The following COL4A2 variants were observed in gnomAD, a reference collection of about 807,000 sequenced individuals.
The protein encoded by COL4A2 is collagen type IV alpha 2 chain, also known as collagen alpha-2(IV) chain.
Under a neutral mutation model 200.2 loss-of-function variants are expected in COL4A2, and 99 were observed. That is an observed-to-expected ratio of 0.49 (90% CI 0.42 to 0.58). The LOEUF (loss-of-function observed/expected upper bound fraction) is 0.58, where lower values mean the gene tolerates loss of function less well. Among genes scored for constraint, COL4A2 ranks in the 20% least tolerant of loss-of-function variants. The pLI is 0.00. For synonymous variants in COL4A2, 897 were observed against 900.6 expected (o/e 1.00, Z 0.07); for missense variants, 1,950 against 2,314.1 (o/e 0.84, Z 3.23).
intron 16 of COL4A2, among the ~76,000 whole-genome samples, chr13:110,440,787 G>C (rs1423872897): frequency 6.6e-6 from 1 of 152,154 alleles, no homozygotes; most frequent in East Asian, 1.9e-4. Flanking sequence ...AGGCCCGGCA[G>C]GCTCCCCAGA....
In COL4A2 at chr13:110,492,123, G is replaced by A; in HGVS notation, c.3508G>A (p.Gly1170Arg). 4 of 1,553,530 alleles carry A rather than the reference G, an allele frequency of 2.6e-6. No individual in the cohort carries two copies. Among genetic ancestry groups the A allele is most frequent in the Non-Finnish European group, 3.5e-6 (4 of 1,147,810 alleles). The change falls in exon 38 of 48, where the codon GGA becomes AGA. Residue 1170 changes from glycine to arginine, a missense_variant. Transcript: ENST00000360467. ...GTCGCAGGGAGAGCTGGGGCGGATT[G>A]GACTGCCTGGTGGCAAAGGAGATGA... ...PGSQGELGRIGLPGGKGDDGW... is the reference protein window; with the variant it reads ...PGSQGELGRIRLPGGKGDDGW...
Position 110,439,790 on chromosome 13 carries a change from G to T in COL4A2, c.914G>T (p.Gly305Val), listed in dbSNP as rs377088851. The change falls in exon 16 of 48, where the codon GGT (glycine) becomes GTT (valine). Residue 305 changes from glycine (G) to valine (V), a missense_variant and splice_region_variant. This residue lies in a region of COL4A2 where 565 missense variants were observed against 593.5 expected (regional missense o/e 0.95). Transcript: ENST00000360467. ...GCTTCTGTTTTTTGTTCATTCCAGG[G>T]TTACCCTGGCTTGAGTGGTGAAAAA... ...EGIMGFPGLRGYPGLSGEKGS... is the reference protein window; with the variant it reads ...EGIMGFPGLRVYPGLSGEKGS... 3.1e-6 allele frequency: 5 copies of T among 1,613,944 alleles called. No homozygotes were observed. In the African/African-American group the frequency reaches 6.7e-5, roughly 22 times the overall value.
chr13:110,504,224 T>G lies in COL4A2; in HGVS notation c.4362T>G (p.Asp1454Glu). The G allele has an allele frequency of 6.2e-7, 1 of 1,613,858 alleles. No individual in the cohort carries two copies. The highest frequency in any genetic ancestry group is 8.5e-7 in the Non-Finnish European group (1 of 1,179,944). The change falls in exon 45 of 48, where the codon GAT (aspartate) becomes GAG (glutamate). Residue 1454 changes from aspartate (D) to glutamate (E), a missense_variant. Asp to Glu is a conservative substitution (Grantham distance 45). Around this residue, in one of 2 missense-constraint regions of COL4A2, gnomAD observed 1,385 missense variants for 1,720.5 expected, o/e 0.80. Coordinates refer to ENST00000360467, the MANE Select transcript of COL4A2 (RefSeq NM_001846.4). ...CTGCTGTTCCCGGCTTCCGGGGAGA[T>G]GAAGGACCCATAGGCCACCAGGGGC... is the stretch of plus-strand genomic sequence containing the variant. ...GVSAVPGFRG[D>E]EGPIGHQGPI...
At chr13:110,450,535 C>T in intron 20 of COL4A2, 81 bp downstream of exon 20, 2 of 1,523,592 alleles carry the variant, frequency 1.3e-6, no homozygotes, top group South Asian at 1.2e-5. Context: ...ATTTGGGATT[C>T]TCTGCTAAAT....
Position 110,417,103 on chromosome 13 carries a change from C to T in COL4A2, c.181-7631C>T, listed in dbSNP as rs528023217. Reference sequence around the variant, plus strand: ...TCACGCCATTCTTCTGCCTCAACCTCCCGAGTAGCTGGGGCTACAGGAGCC... The same window carrying T: ...TCACGCCATTCTTCTGCCTCAACCTTCCGAGTAGCTGGGGCTACAGGAGCC... On this transcript the variant is annotated intron_variant, in intron 4 of 47. Coordinates refer to ENST00000360467, the MANE Select transcript of COL4A2 (RefSeq NM_001846.4). 1.9e-3 allele frequency among the ~76,000 whole-genome samples: 285 copies of T among 152,216 alleles called. 1 individual carries two copies. The highest frequency in any genetic ancestry group is 6.7e-3 in the African/African-American group (277 of 41,518).
intron 4 of COL4A2, among the ~76,000 whole-genome samples, chr13:110,391,714 G>A (rs932787877): frequency 2.0e-5 from 3 of 152,180 alleles, no homozygotes; most frequent in African/African-American, 7.2e-5. Flanking sequence ...GGTCGTCATT[G>A]GGATTCGAGG....
Position 110,307,560 on chromosome 13 carries a change from C to T in COL4A2, c.-45+32C>T, listed in dbSNP as rs1884812723. 2.9e-6 allele frequency: 1 copy of T among 341,554 alleles called. No individual in the cohort carries two copies. The allele number at this position is 341,554 out of a possible 1,614,324, so 21.2% of individuals were successfully genotyped here. On this transcript the variant is annotated intron_variant, in intron 1 of 47. Transcript: ENST00000360467. The surrounding 1 kb of genome is among the most constrained non-coding windows in gnomAD (Gnocchi z 5.0). ...GCGACCCCCGAGCGGCGCCCAGACC[C>T]TGGCCCGAGAGCACCGACTTGGAGC...
intron 4 of COL4A2, among the ~76,000 whole-genome samples, chr13:110,387,793 C>G (rs1006045140): frequency 6.6e-6 from 1 of 152,206 alleles, no homozygotes; most frequent in African/African-American, 2.4e-5. Context: ...CTCCCCAGGC[C>G]CCTCCCGCCC....
chr13:110,464,865 C>A (rs955188051), intron 24 of COL4A2, among the ~76,000 whole-genome samples: 3 of 152,206 alleles, frequency 2.0e-5, no homozygotes, highest in South Asian at 2.1e-4. Context: ...CCAGCTCCCC[C>A]CCGCACCCTG....
intron 4 of COL4A2, among the ~76,000 whole-genome samples, chr13:110,394,464 T>G (rs905474867): frequency 6.6e-6 from 1 of 152,218 alleles, no homozygotes; most frequent in Non-Finnish European, 1.5e-5. Flanking sequence ...CTTCTCCTGG[T>G]AGCGCCATCA....
chr13:110,430,813 G>T (rs1421661071), intron 10 of COL4A2: 4 of 824,642 alleles, frequency 4.9e-6, no homozygotes, highest in Non-Finnish European at 8.4e-6. Flanking sequence ...TTAAAATTAT[G>T]GTCACCAGCT....
intron 30 of COL4A2, among the ~76,000 whole-genome samples, chr13:110,479,060 G>A (rs1453552500): frequency 2.0e-5 from 3 of 152,182 alleles, no homozygotes; most frequent in Admixed American, 6.5e-5. Context: ...GGTAGGGCCC[G>A]CTCCCCTATT....
At chr13:110,469,109 A>G (rs945993718) in intron 27 of COL4A2, 108 bp from the exon 28 acceptor site, 14 of 1,285,884 alleles carry the variant, frequency 1.1e-5, no homozygotes, top group Non-Finnish European at 1.5e-5. Flanking sequence ...CCCCAGCCTC[A>G]TCATTTCCCG....
intron 6 of COL4A2, among the ~76,000 whole-genome samples, chr13:110,425,201 G>A (rs1359206437): frequency 1.3e-5 from 2 of 152,168 alleles, no homozygotes; most frequent in African/African-American, 2.4e-5. Flanking sequence ...TTATAGACTT[G>A]GCTTCAGAAT....
chr13:110,374,042 G>A (rs1273150996), intron 4 of COL4A2, among the ~76,000 whole-genome samples: 2 of 152,174 alleles, frequency 1.3e-5, no homozygotes, highest in African/African-American at 4.8e-5. Context: ...TTTTATTAAT[G>A]TTCATCATAA....
chr13:110,494,762 C>A (rs1412413155), intron 39 of COL4A2, among the ~76,000 whole-genome samples: 1 of 152,084 alleles, frequency 6.6e-6, no homozygotes, highest in Non-Finnish European at 1.5e-5. Flanking sequence ...CCTAAAGCTG[C>A]TTTTAGAATG....
At chr13:110,387,779 C>A (rs1878820150) in intron 4 of COL4A2, among the ~76,000 whole-genome samples, 1 of 152,344 alleles carries the variant, frequency 6.6e-6, no homozygotes, top group East Asian at 1.9e-4. Context: ...TCTGAGGCTT[C>A]CTTCTCCCCA....
At chr13:110,329,964 A>G (rs1057087240) in intron 3 of COL4A2, among the ~76,000 whole-genome samples, 1 of 152,238 alleles carries the variant, frequency 6.6e-6, no homozygotes, top group Non-Finnish European at 1.5e-5. Flanking sequence ...TGTTTAAAGG[A>G]CAAGACCAAG....
chr13:110,426,011 A>T (rs1050121953), intron 6 of COL4A2, among the ~76,000 whole-genome samples: 3 of 152,242 alleles, frequency 2.0e-5, no homozygotes, highest in African/African-American at 7.2e-5. Flanking sequence ...GTAGGCTCAA[A>T]CAGGCACTTG....
Sources: allele counts gnomAD v4.1 joint callset (sites outside exome capture counted in the v4.1 genomes callset), GRCh38; gene constraint gnomAD v4.1.1; regional missense constraint gnomAD v4.1.1; non-coding constraint Gnocchi (gnomAD v3.1); transcripts MANE v1.5; gene names NCBI Gene and HGNC (gene_info 2026-07-23, HGNC 2026-07-21).